The following KCNMB3 variants were observed in gnomAD, a reference collection of about 807,000 sequenced individuals.
KCNMB3 encodes calcium-activated potassium channel subunit beta-3.
In KCNMB3, 18 loss-of-function variants were observed where a neutral mutation model predicts 11.9. The ratio of observed to expected loss-of-function variants is 1.51; its 90% confidence interval spans 1.04 to 2.23. KCNMB3 has a LOEUF of 2.23. Among genes scored for constraint, KCNMB3 ranks in the 30% most tolerant of loss-of-function variants. KCNMB3 has a pLI of 0.00. For synonymous variants in KCNMB3, 78 were observed against 119.2 expected, an observed-to-expected ratio of 0.65 and a Z score of 2.25; for missense variants, 247 against 329.4, an observed-to-expected ratio of 0.75 and a Z score of 1.94.
At chr3:179,241,750 A>G (rs1725464231), downstream of KCNMB3, 1 of 153,536 alleles carries the variant, frequency 6.5e-6, no homozygotes, top group Non-Finnish European at 1.5e-5. Context: ...AGTACAGACA[A>G]TTGTTGACTA....
intron 1 of KCNMB3, among the ~76,000 whole-genome samples, chr3:179,265,187 C>T (rs565586249): frequency 2.3e-4 from 35 of 152,292 alleles, no homozygotes; most frequent in Middle Eastern, 6.8e-3. Flanking sequence ...TCATGTCTAG[C>T]GAGAAGAACA....
chr3:179,259,493 C>A, intron 1 of KCNMB3: 1 of 1,612,586 alleles, frequency 6.2e-7, no homozygotes, highest in Non-Finnish European at 8.5e-7. Flanking sequence ...TTCCATCCAA[C>A]TTCATTTTAG....
chr3:179,257,970 C>T (rs369572822), intron 1 of KCNMB3, among the ~76,000 whole-genome samples: 2 of 152,224 alleles, frequency 1.3e-5, no homozygotes, highest in Non-Finnish European at 2.9e-5. Flanking sequence ...CTGCAATCTC[C>T]GCCTCGCAGG....
rs558738613 is a variant in KCNMB3 at position 179,244,053 on chromosome 3, CTA to C, written c.447+440_447+441del. Among the ~76,000 whole-genome samples the C allele has an allele frequency of 2.9e-3, 446 of 152,248 alleles. 1 individual carries two copies. The highest frequency in any genetic ancestry group is 0.01 in the African/African-American group (428 of 41,542). ...TATAAATTTTAAATCATATGAAAGACTATTTCAGGGATCATTTCTATAATTCG... is the reference window on the plus strand; with the variant it reads ...TATAAATTTTAAATCATATGAAAGACTTTCAGGGATCATTTCTATAATTCG... On this transcript the variant is annotated intron_variant, in intron 2 of 2. Transcript: ENST00000392685.
At chr3:179,255,135 A>T (rs545909462), upstream of KCNMB3, among the ~76,000 whole-genome samples, 2 of 151,756 alleles carry the variant, frequency 1.3e-5, no homozygotes, top group South Asian at 4.2e-4. Context: ...ACTGCACTTC[A>T]GTCTGGGCAA....
At chr3:179,242,729 G>GTAT, downstream of KCNMB3, 1 of 1,036,292 alleles carries the variant, frequency 9.6e-7, no homozygotes, top group Non-Finnish European at 1.3e-6. Context: ...GAATTTGTAT[G>GTAT]TATTTATAGA....
At chr3:179,266,149 C>T (rs1478252031) in intron 1 of KCNMB3, among the ~76,000 whole-genome samples, 4 of 152,076 alleles carry the variant, frequency 2.6e-5, no homozygotes. Context: ...GTGACTTGCC[C>T]AGTCATATGG....
intron 1 of KCNMB3, chr3:179,259,887 G>A (rs905165277): frequency 6.2e-7 from 1 of 1,613,560 alleles, no homozygotes; most frequent in Non-Finnish European, 8.5e-7. Context: ...TGGAGAACCA[G>A]GAACTTCTGT....
chr3:179,258,904 T>C (rs1726108588), intron 1 of KCNMB3: 20 of 1,606,256 alleles, frequency 1.2e-5, no homozygotes, highest in East Asian at 2.2e-5. Flanking sequence ...CACCTGGTGA[T>C]TGGCATACAG....
chr3:179,263,789 C>G (rs1429679901), intron 1 of KCNMB3, among the ~76,000 whole-genome samples: 1 of 120,874 alleles, frequency 8.3e-6, no homozygotes, highest in Non-Finnish European at 1.7e-5. Context: ...TTTTGTTTTT[C>G]TTTTTCTTTT....
intron 1 of KCNMB3, among the ~76,000 whole-genome samples, chr3:179,264,374 C>A (rs1407521158): frequency 6.6e-6 from 1 of 152,018 alleles, no homozygotes; most frequent in African/African-American, 2.4e-5. Context: ...CATCTTTCAT[C>A]CAAGGACCTC....
chr3:179,261,416 G>C, intron 1 of KCNMB3: 1 of 1,055,574 alleles, frequency 9.5e-7, no homozygotes. Context: ...CGCGCTTCCG[G>C]GGCCAAGAGC....
intron 1 of KCNMB3, chr3:179,261,170 G>A (rs1410467965): frequency 8.2e-6 from 11 of 1,335,094 alleles, no homozygotes; most frequent in Non-Finnish European, 1.1e-5. Context: ...ACGAGCCTCC[G>A]CGCGGGCCTC....
chr3:179,267,006 T>G (rs1726388826), upstream of KCNMB3: 2 of 960,396 alleles, frequency 2.1e-6, no homozygotes, highest in Non-Finnish European at 2.6e-6. Flanking sequence ...GCACTGTGCT[T>G]GCCGCCACCT....
downstream of KCNMB3, chr3:179,240,170 A>G: frequency 1.4e-6 from 1 of 725,466 alleles, no homozygotes; most frequent in East Asian, 2.9e-5. Flanking sequence ...ATTCCTTTTG[A>G]AAAGCAAGCC....
At chr3:179,252,269 GAAGT>G (rs1424609097), upstream of KCNMB3, among the ~76,000 whole-genome samples, 3 of 152,124 alleles carry the variant, frequency 2.0e-5, no homozygotes, top group Non-Finnish European at 4.4e-5. Flanking sequence ...TTGAGTTCCA[GAAGT>G]ATCTCCATTT....
chr3:179,255,265 A>G (rs944309514), upstream of KCNMB3, among the ~76,000 whole-genome samples: 4 of 151,946 alleles, frequency 2.6e-5, no homozygotes, highest in Non-Finnish European at 4.4e-5. Flanking sequence ...TAGACCACAA[A>G]ATGAGATCCA....
chr3:179,251,534 T>G (rs959936248), upstream of KCNMB3: 1 of 1,349,418 alleles, frequency 7.4e-7, no homozygotes, highest in Non-Finnish European at 9.4e-7. Context: ...TCTGCATAAG[T>G]GTCCCTTCAT....
chr3:179,261,511 C>T (rs1406574482), intron 1 of KCNMB3, among the ~76,000 whole-genome samples: 3 of 151,950 alleles, frequency 2.0e-5, no homozygotes, highest in African/African-American at 7.2e-5. Flanking sequence ...CTGAGCCTGG[C>T]CGGGGGTGGA....
Sources: gnomAD v4.1 joint callset for allele counts (sites outside exome capture counted in the v4.1 genomes callset) on GRCh38, gnomAD v4.1.1 for gene constraint, MANE v1.5 for transcripts, NCBI Gene and HGNC (gene_info 2026-07-23, HGNC 2026-07-21) for gene names.